Variants in HELLS observed in about 807,000 individuals in gnomAD.
HELLS encodes lymphoid-specific helicase.
Under a neutral mutation model 120.0 loss-of-function variants are expected in HELLS, and 32 were observed. The observed-to-expected ratio is 0.27, with a 90% CI of 0.20 to 0.36. The LOEUF (loss-of-function observed/expected upper bound fraction) is 0.36. HELLS is among the 10% of genes least tolerant of loss of function. The pLI is 1.00. For missense variants in HELLS, 650 were observed against 993.4 expected (o/e 0.65, Z 4.65); for synonymous variants, 341 against 323.4 (o/e 1.05, Z -0.58).
At position 94,576,849 on chromosome 10, in the gene HELLS, G is replaced by A. The variant is rs766501541; in HGVS notation, c.1032+44G>A. ...GGTTTCTTTGTAATACATAAAACAT[G>A]CTTTTCTTCATTTATATCACTTTCT... is the stretch of plus-strand genomic sequence containing the variant. On this transcript the variant is annotated intron_variant, in intron 10 of 21. Transcript: ENST00000348459. The A allele has an allele frequency of 6.6e-6, 10 of 1,508,124 alleles. No homozygotes were observed. The Admixed American group carries it at 1.5e-4, about 23-fold the overall frequency. The allele number at this position is 1,508,124 out of a possible 1,614,324, so 93.4% of individuals were successfully genotyped here.
rs769712136 is a variant in HELLS, at chr10:94,596,914, C to T, written c.2303C>T (p.Pro768Leu). 1 of 1,519,704 alleles carries T rather than the reference C, an allele frequency of 6.6e-7. No individual in the cohort carries two copies. The highest frequency in any genetic ancestry group is 9.1e-7 in the Non-Finnish European group (1 of 1,095,928). The allele number at this position is 1,519,704 out of a possible 1,614,324, so 94.1% of individuals were successfully genotyped here. A position where few individuals can be genotyped will look rare whatever the true frequency, so the allele number is the denominator to read the frequency against. Residue 768 changes from proline (P) to leucine (L), a missense_variant, in exon 20 of 22, where the codon CCT becomes CTT. By Grantham distance (98) the Pro-to-Leu change is moderately conservative (BLOSUM62 -3). Transcript: ENST00000348459. ...AATCTGTCTAAGAATTTCTTAGATCCTAAGGAATTAATGGAATTATTAAAA... is the reference window on the plus strand; with the variant it reads ...AATCTGTCTAAGAATTTCTTAGATCTTAAGGAATTAATGGAATTATTAAAA... ...GLNLSKNFLDPKELMELLKSR... is the reference protein window; with the variant it reads ...GLNLSKNFLDLKELMELLKSR...
intron 4 of HELLS, among the ~76,000 whole-genome samples, chr10:94,562,364 G>A (rs1045914221): frequency 1.3e-5 from 2 of 152,060 alleles, no homozygotes; most frequent in African/African-American, 4.8e-5. Flanking sequence ...GATTGTACCA[G>A]TGCACACTAT....
intron 6 of HELLS, among the ~76,000 whole-genome samples, chr10:94,563,808 CTTTT>C (rs10623208): frequency 1.5e-5 from 2 of 136,408 alleles, no homozygotes; most frequent in African/African-American, 2.7e-5. Flanking sequence ...GTTTTCTTTT[CTTTT>C]TTTTTTTTTT....
intron 2 of HELLS, among the ~76,000 whole-genome samples, chr10:94,547,773 TGGTAAATGGCAGAGCTAACATTCCAGTG>T (rs1842806248): frequency 6.6e-6 from 1 of 152,224 alleles, no homozygotes; most frequent in African/African-American, 2.4e-5. Context: ...GTGCCACAGT[TGGTAAATGGCAGAGCTAACATTCCAGTG>T]TAGGCCATGT....
At chr10:94,546,808 C>A (rs1246029807) in intron 2 of HELLS, among the ~76,000 whole-genome samples, 2 of 152,116 alleles carry the variant, frequency 1.3e-5, no homozygotes, top group African/African-American at 4.8e-5. Context: ...TTTCGTTTGT[C>A]ATCCTTATTT....
intron 2 of HELLS, among the ~76,000 whole-genome samples, chr10:94,548,048 C>T (rs574278220): frequency 6.6e-6 from 1 of 152,304 alleles, no homozygotes; most frequent in Non-Finnish European, 1.5e-5. Context: ...CTTTATTACA[C>T]AGAATTTACC....
chr10:94,571,318 TGC>T, intron 6 of HELLS, 68 bp from the exon 7 acceptor site: 1 of 1,233,982 alleles, frequency 8.1e-7, no homozygotes, highest in South Asian at 1.3e-5. Flanking sequence ...ACAGAATAAA[TGC>T]TTGTTGAATA....
intron 9 of HELLS, among the ~76,000 whole-genome samples, chr10:94,575,503 T>G (rs1844397845): frequency 6.6e-6 from 1 of 151,410 alleles, no homozygotes; most frequent in Admixed American, 6.6e-5. Flanking sequence ...ATTATTTATT[T>G]ATTTATTTTG....
rs550051330 is a variant in HELLS, at chr10:94,601,865, G to C, written c.*243G>C. 2.1e-4 allele frequency: 60 copies of C among 285,526 alleles called. No homozygotes were observed. The highest frequency in any genetic ancestry group is 1.1e-3 in the Middle Eastern group (1 of 908). 17.7% of individuals were successfully genotyped at this position (285,526 alleles called of 1,614,324 possible). A position where few individuals can be genotyped will look rare whatever the true frequency, so the allele number is the denominator to read the frequency against. On this transcript the variant is annotated 3_prime_UTR_variant, in exon 22 of 22. Coordinates refer to ENST00000348459, the MANE Select transcript of HELLS (RefSeq NM_018063.5). ...TGAGTAGTATTCTTGGATACAGGCT[G>C]ATGTGTACTTAACCACTTCCAGATT...
Position 94,554,226 on chromosome 10 carries a change from A to G in HELLS, c.254A>G (p.Lys85Arg). 1 of 1,570,304 alleles carries G rather than the reference A, an allele frequency of 6.4e-7. No individual in the cohort carries two copies. The highest frequency in any genetic ancestry group is 8.6e-7 in the Non-Finnish European group (1 of 1,166,328). Residue 85 changes from lysine to arginine, a missense_variant, in exon 3 of 22, where the codon AAA (lysine) becomes AGA (arginine). Coordinates refer to ENST00000348459, the MANE Select transcript of HELLS (RefSeq NM_018063.5). ...SNIYSKFLLT[K>R]MEQQQLEEQK... ...ATATACTCCAAATTTTTATTGACGA[A>G]AATGGAACAGCAACAATTAGAGGTA...
chr10:94,576,173 G>A (rs1189222583), intron 9 of HELLS, among the ~76,000 whole-genome samples: 2 of 152,228 alleles, frequency 1.3e-5, no homozygotes, highest in East Asian at 1.9e-4. Flanking sequence ...GAGTGCAGTG[G>A]CGTCATTCTG....
chr10:94,574,447 A>G (rs762281303), intron 8 of HELLS, 107 bp from the exon 9 acceptor site: 29 of 892,462 alleles, frequency 3.2e-5, no homozygotes, highest in Non-Finnish European at 4.2e-5. Flanking sequence ...CAGCTTTAAC[A>G]TAATTCTCAT....
intron 19 of HELLS, among the ~76,000 whole-genome samples, chr10:94,596,077 T>G (rs1261778493): frequency 6.6e-6 from 1 of 152,198 alleles, no homozygotes; most frequent in Admixed American, 6.5e-5. Flanking sequence ...TGCCTTAGCC[T>G]CTTCAAGTGT....
intron 2 of HELLS, among the ~76,000 whole-genome samples, chr10:94,549,749 A>G (rs868025210): frequency 5.3e-5 from 8 of 152,150 alleles, no homozygotes; most frequent in South Asian, 2.1e-4. Flanking sequence ...TGGAGTTGCA[A>G]TTTACCGTAA....
chr10:94,566,466 T>C (rs1470546942), intron 6 of HELLS, among the ~76,000 whole-genome samples: 5 of 152,096 alleles, frequency 3.3e-5, no homozygotes, highest in African/African-American at 1.2e-4. Flanking sequence ...AATTTGTATA[T>C]AAGTGAAAAG....
intron 10 of HELLS, among the ~76,000 whole-genome samples, chr10:94,579,597 T>C (rs1447325065): frequency 6.6e-6 from 1 of 151,666 alleles, no homozygotes; most frequent in Non-Finnish European, 1.5e-5. Context: ...GCTGGAGTCC[T>C]GTGGCACGAT....
intron 2 of HELLS, 46 bp from the exon 3 acceptor site, chr10:94,554,080 T>G (rs1843119874): frequency 6.6e-7 from 1 of 1,504,306 alleles, no homozygotes; most frequent in Non-Finnish European, 8.8e-7. Flanking sequence ...AAAATTAAGG[T>G]ATGTCAGAAA....
intron 9 of HELLS, among the ~76,000 whole-genome samples, chr10:94,575,744 G>C (rs1454800066): frequency 8.2e-6 from 1 of 121,242 alleles, no homozygotes; most frequent in African/African-American, 3.0e-5. Flanking sequence ...TGTATTTGTA[G>C]GTTTTTTGTT....
At chr10:94,574,980 C>T (rs1211978360) in intron 9 of HELLS, among the ~76,000 whole-genome samples, 1 of 151,894 alleles carries the variant, frequency 6.6e-6, no homozygotes, top group Non-Finnish European at 1.5e-5. Context: ...TAATTTGATT[C>T]GACTGAGACA....
Sources: gnomAD v4.1 joint callset for allele counts (sites outside exome capture counted in the v4.1 genomes callset) on GRCh38, gnomAD v4.1.1 for gene constraint, MANE v1.5 for transcripts, NCBI Gene and HGNC (gene_info 2026-07-23, HGNC 2026-07-21) for gene names.